NPAS3: variants seen among roughly 807,000 people sequenced by gnomAD.
NPAS3 encodes neuronal PAS domain-containing protein 3.
A neutral mutation model predicts 73.1 loss-of-function variants in NPAS3; 14 were observed. That is an observed-to-expected ratio of 0.19 (90% CI 0.13 to 0.30). The LOEUF (loss-of-function observed/expected upper bound fraction) is 0.30, where lower values mean the gene tolerates loss of function less well. Ranked by LOEUF, NPAS3 falls within the 10% of genes least tolerant of loss-of-function variation. The pLI is 1.00. For missense variants in NPAS3, 1,096 were observed against 1,250.0 expected (o/e 0.88, Z 1.86); for synonymous variants, 620 against 541.5 (o/e 1.14, Z -2.01).
intron 4 of NPAS3, among the ~76,000 whole-genome samples, chr14:33,465,982 G>A (rs1032554230): frequency 2.0e-5 from 3 of 152,204 alleles, no homozygotes; most frequent in Non-Finnish European, 1.5e-5. Flanking sequence ...GTTGAGCATC[G>A]AGCTTCTCTG....
chr14:33,599,890 G>A (rs567431704), intron 5 of NPAS3, among the ~76,000 whole-genome samples: 1 of 152,224 alleles, frequency 6.6e-6, no homozygotes, highest in African/African-American at 2.4e-5. Flanking sequence ...AACAAGTGAT[G>A]GTTATTAAAA....
At chr14:33,018,038 A>G (rs561566245) in intron 1 of NPAS3, among the ~76,000 whole-genome samples, 48 of 125,378 alleles carry the variant, frequency 3.8e-4, no homozygotes, top group Non-Finnish European at 6.2e-4. Flanking sequence ...ACAGCAAACA[A>G]AAAAAAAGAA....
intron 3 of NPAS3, among the ~76,000 whole-genome samples, chr14:33,312,357 C>G (rs568961833): frequency 2.5e-4 from 38 of 152,108 alleles, no homozygotes; most frequent in African/African-American, 8.9e-4. Flanking sequence ...TTTCTTCACA[C>G]TTCCTTACAG....
At chr14:33,709,941 A>G (rs1183672362) in intron 6 of NPAS3, among the ~76,000 whole-genome samples, 2 of 152,222 alleles carry the variant, frequency 1.3e-5, no homozygotes, top group Non-Finnish European at 2.9e-5. Flanking sequence ...CCTGGAGAGC[A>G]CTGAAGGTAA....
At chr14:33,705,184 T>C (rs927956388) in intron 6 of NPAS3, among the ~76,000 whole-genome samples, 2 of 152,224 alleles carry the variant, frequency 1.3e-5, no homozygotes, top group Non-Finnish European at 2.9e-5. Context: ...CAGATAAACA[T>C]GATCTGTTTT....
chr14:33,447,345 T>G (rs1185077754), intron 4 of NPAS3, among the ~76,000 whole-genome samples: 5 of 152,176 alleles, frequency 3.3e-5, no homozygotes. Flanking sequence ...AGATTTTGTG[T>G]GTGTGCTATG....
intron 6 of NPAS3, among the ~76,000 whole-genome samples, chr14:33,686,431 A>G (rs2060090822): frequency 6.6e-6 from 1 of 152,212 alleles, no homozygotes; most frequent in Non-Finnish European, 1.5e-5. Context: ...AATACAAAAA[A>G]GTTTAGAAGG....
intron 9 of NPAS3, among the ~76,000 whole-genome samples, chr14:33,787,324 TAAATCAATG>T (rs1351684691): frequency 6.6e-6 from 1 of 152,220 alleles, no homozygotes; most frequent in Non-Finnish European, 1.5e-5. Flanking sequence ...TGACGCATTC[TAAATCAATG>T]AAAAGTTTTC....
In NPAS3 at chr14:33,783,689, G is replaced by C. The variant is rs10150207; in HGVS notation, c.1153+5117G>C. Among the ~76,000 whole-genome samples, 672 of 152,238 alleles carry C rather than the reference G, an allele frequency of 4.4e-3. 4 individuals carry two copies. Among genetic ancestry groups the C allele is most frequent in the African/African-American group, 0.015 (639 of 41,532 alleles). ...AGCACGGAGTCAGAGACCAGCAAGA[G>C]GGTTGAGCTCCAGCGGCGCATCCCT... On this transcript the variant is annotated intron_variant, in intron 9 of 11. Transcript: ENST00000356141.
chr14:33,403,548 G>T (rs1314792895), intron 4 of NPAS3, among the ~76,000 whole-genome samples: 1 of 152,086 alleles, frequency 6.6e-6, no homozygotes, highest in South Asian at 2.1e-4. Flanking sequence ...AAGCCACATA[G>T]TTTACATGTG....
chr14:32,934,886 C>CCGCGGCGGCCGG (rs1317277843), upstream of NPAS3: 2 of 840,304 alleles, frequency 2.4e-6, no homozygotes, highest in Non-Finnish European at 2.9e-6. This position sits in a 1 kb window ranked among gnomAD's most constrained non-coding sequence, Gnocchi z 4.1. Flanking sequence ...CAGGTGACGG[C>CCGCGGCGGCCGG]CGCGGCGGCC....
intron 4 of NPAS3, among the ~76,000 whole-genome samples, chr14:33,516,076 T>G (rs568021976): frequency 1.3e-5 from 2 of 151,702 alleles, no homozygotes. Context: ...CTCTGCTAAG[T>G]ATACTAAATA....
intron 2 of NPAS3, among the ~76,000 whole-genome samples, chr14:33,208,259 T>G (rs1266953142): frequency 6.6e-6 from 1 of 152,188 alleles, no homozygotes; most frequent in Non-Finnish European, 1.5e-5. Context: ...CAAGGGTTAT[T>G]TGAATCAAGG....
chr14:33,514,159 G>A lies in NPAS3; in HGVS notation c.469-45962G>A, dbSNP rs554188946. Among the ~76,000 whole-genome samples, 36 of 152,152 alleles carry A rather than the reference G, an allele frequency of 2.4e-4. 1 individual carries two copies. In the South Asian group the frequency reaches 6.8e-3, roughly 29 times the overall value. ...TGCATTATTGTCTGCTTCAACTCAG[G>A]AGATGCTCAGAATTGAATTAACAAG... On this transcript the variant is annotated intron_variant, in intron 4 of 11. Coordinates refer to ENST00000356141, the Ensembl canonical transcript of NPAS3.
intron 3 of NPAS3, among the ~76,000 whole-genome samples, chr14:33,324,117 T>C (rs1195273283): frequency 6.6e-6 from 1 of 152,198 alleles, no homozygotes; most frequent in Non-Finnish European, 1.5e-5. Flanking sequence ...GACAGTTTGA[T>C]AAATTAGGAA....
At chr14:33,107,213 G>A (rs2042748370) in intron 2 of NPAS3, among the ~76,000 whole-genome samples, 2 of 151,912 alleles carry the variant, frequency 1.3e-5, no homozygotes, top group Middle Eastern at 3.2e-3. Flanking sequence ...GATCTTTGGG[G>A]CTTTATGCTC....
intron 4 of NPAS3, among the ~76,000 whole-genome samples, chr14:33,535,167 A>T (rs1270657153): frequency 6.6e-6 from 1 of 152,212 alleles, no homozygotes; most frequent in African/African-American, 2.4e-5. Flanking sequence ...AAAAGTATAT[A>T]TACTGTCATA....
At chr14:33,502,601 T>C (rs1387163489) in intron 4 of NPAS3, among the ~76,000 whole-genome samples, 4 of 151,474 alleles carry the variant, frequency 2.6e-5, no homozygotes, top group African/African-American at 9.7e-5. Context: ...GGTTCGTTTC[T>C]ACACCTCTGC....
At chr14:33,655,331 CTTTTT>C (rs3059406) in intron 5 of NPAS3, among the ~76,000 whole-genome samples, 36 of 105,892 alleles carry the variant, frequency 3.4e-4, no homozygotes, top group Admixed American at 3.9e-4. Context: ...ACCTTTGGCT[CTTTTT>C]TTTTTTTTTT....
Sources: gnomAD v4.1 joint callset for allele counts (sites outside exome capture counted in the v4.1 genomes callset) on GRCh38, gnomAD v4.1.1 for gene constraint, Gnocchi (gnomAD v3.1) non-coding constraint, MANE v1.5 for transcripts, NCBI Gene and HGNC (gene_info 2026-07-23, HGNC 2026-07-21) for gene names.